AMD1: variants seen among roughly 807,000 people sequenced by gnomAD.
AMD1 encodes the protein S-adenosylmethionine decarboxylase proenzyme.
In AMD1, 11 loss-of-function variants were observed where a neutral mutation model predicts 40.2. The ratio of observed to expected loss-of-function variants is 0.27; its 90% confidence interval spans 0.17 to 0.45. AMD1 has a LOEUF of 0.45. Ranked by LOEUF, AMD1 falls within the 20% of genes least tolerant of loss-of-function variation. The pLI, the probability that AMD1 is intolerant of heterozygous loss-of-function variation, is 1.00. For synonymous variants in AMD1, 121 were observed against 130.8 expected, an observed-to-expected ratio of 0.93 and a Z score of 0.51; for missense variants, 257 against 410.2, an observed-to-expected ratio of 0.63 and a Z score of 3.23.
the AMD1 span, among the ~76,000 whole-genome samples, chr6:110,834,394 A>G: frequency 6.6e-6 from 1 of 152,186 alleles, no homozygotes; most frequent in Non-Finnish European, 1.5e-5. Context: ...TGTGCTTTCC[A>G]AAACAGAAAT....
At chr6:110,816,607 A>C in the AMD1 span, among the ~76,000 whole-genome samples, 1 of 152,268 alleles carries the variant, frequency 6.6e-6, no homozygotes, top group Non-Finnish European at 1.5e-5. Context: ...TCGTAATTAA[A>C]GGAATCTTAC....
At chr6:110,834,918 C>T in the AMD1 span, among the ~76,000 whole-genome samples, 20,610 of 146,416 alleles carry the variant, frequency 0.14, 1,657 homozygotes, top group East Asian at 0.31. Flanking sequence ...CACTGCACTC[C>T]AGCCTGGTGA....
the AMD1 span, among the ~76,000 whole-genome samples, chr6:110,847,715 G>T: frequency 4.2e-5 from 6 of 141,730 alleles, no homozygotes; most frequent in African/African-American, 1.3e-4. Context: ...TTTGTTTTTT[G>T]TTTTTTGTTT....
the AMD1 span, among the ~76,000 whole-genome samples, chr6:110,857,362 G>A: frequency 7.4e-3 from 1,124 of 151,302 alleles, 5 homozygotes; most frequent in African/African-American, 0.021. Flanking sequence ...AATAAAGCCC[G>A]TCTCTACTAA....
chr6:110,835,404 T>C, the AMD1 span, among the ~76,000 whole-genome samples: 2 of 152,192 alleles, frequency 1.3e-5, no homozygotes, highest in African/African-American at 2.4e-5. Context: ...TCTGAAACTA[T>C]AGTAATGAAG....
At chr6:110,887,272 T>G (rs1209090954) in intron 1 of AMD1, among the ~76,000 whole-genome samples, 1 of 152,210 alleles carries the variant, frequency 6.6e-6, no homozygotes, top group Admixed American at 6.5e-5. Context: ...CTATTTTTCT[T>G]TAAGTAATTT....
chr6:110,867,470 C>T, the AMD1 span, among the ~76,000 whole-genome samples: 1 of 152,204 alleles, frequency 6.6e-6, no homozygotes, highest in Admixed American at 6.5e-5. Context: ...TAGAGACCAG[C>T]CTGGTCAACA....
At chr6:110,860,866 CACACAGAGAG>C in the AMD1 span, among the ~76,000 whole-genome samples, 4 of 145,440 alleles carry the variant, frequency 2.8e-5, no homozygotes, top group African/African-American at 1.1e-4. Context: ...CACACACACA[CACACAGAGAG>C]AGAGAACAAT....
the AMD1 span, among the ~76,000 whole-genome samples, chr6:110,837,532 G>A: frequency 6.7e-6 from 1 of 149,954 alleles, no homozygotes; most frequent in Non-Finnish European, 1.5e-5. Flanking sequence ...CCAACATGGT[G>A]AAACCCTGTC....
chr6:110,883,164 C>CT (rs756951796), intron 1 of AMD1, among the ~76,000 whole-genome samples: 33 of 152,054 alleles, frequency 2.2e-4, no homozygotes, highest in Non-Finnish European at 4.0e-4. Context: ...AAGAAGCATG[C>CT]TACACTGTCT....
chr6:110,880,755 C>T (rs1398085066), intron 1 of AMD1, among the ~76,000 whole-genome samples: 2 of 152,080 alleles, frequency 1.3e-5, no homozygotes, highest in African/African-American at 4.8e-5. Context: ...GCACTGTAGC[C>T]TCCGCCTCCT....
At chr6:110,830,868 G>T in the AMD1 span, among the ~76,000 whole-genome samples, 2 of 152,054 alleles carry the variant, frequency 1.3e-5, no homozygotes, top group Non-Finnish European at 2.9e-5. Context: ...TCCCACCTCA[G>T]ACTCCCCAGT....
chr6:110,857,559 G>GTA, the AMD1 span, among the ~76,000 whole-genome samples: 104 of 144,756 alleles, frequency 7.2e-4, 1 homozygote, highest in African/African-American at 2.0e-3. Context: ...TATATAGATG[G>GTA]TATATATATA....
chr6:110,854,810 T>C, the AMD1 span, among the ~76,000 whole-genome samples: 2 of 152,156 alleles, frequency 1.3e-5, no homozygotes, highest in Non-Finnish European at 2.9e-5. Context: ...TATTGAAATG[T>C]AGCAACTCCT....
intron 6 of AMD1, 130 bp from the exon 7 acceptor site, chr6:110,892,605 G>T (rs764113672): frequency 1.9e-5 from 27 of 1,386,940 alleles, no homozygotes; most frequent in Non-Finnish European, 2.5e-5. Context: ...CGTCACCCAG[G>T]TGTTAAGCCT....
chr6:110,877,966 A>G (rs1785203269), intron 1 of AMD1, among the ~76,000 whole-genome samples: 1 of 152,216 alleles, frequency 6.6e-6, no homozygotes, highest in Non-Finnish European at 1.5e-5. Context: ...GCTAAAGACA[A>G]GGATAACAAG....
chr6:110,884,902 G>A (rs879836897), intron 1 of AMD1, among the ~76,000 whole-genome samples: 13 of 152,182 alleles, frequency 8.5e-5, no homozygotes, highest in Admixed American at 2.0e-4. Flanking sequence ...TGGGAAGTCA[G>A]TAGGTGATGA....
the AMD1 span, among the ~76,000 whole-genome samples, chr6:110,829,720 C>T: frequency 1.3e-5 from 2 of 151,724 alleles, no homozygotes; most frequent in Non-Finnish European, 2.9e-5. Context: ...GTGGCACGAG[C>T]CTGTAGTCCC....
the AMD1 span, among the ~76,000 whole-genome samples, chr6:110,847,996 G>A: frequency 6.6e-6 from 1 of 151,762 alleles, no homozygotes; most frequent in Non-Finnish European, 1.5e-5. Flanking sequence ...TTACAGGCAT[G>A]AGCCACCGCA....
Sources: gnomAD v4.1 joint callset for allele counts (sites outside exome capture counted in the v4.1 genomes callset) on GRCh38, gnomAD v4.1.1 for gene constraint, MANE v1.5 for transcripts, NCBI Gene and HGNC (gene_info 2026-07-23, HGNC 2026-07-21) for gene names.